The following FAT3 variants were observed in gnomAD, a reference collection of about 807,000 sequenced individuals.
FAT3 encodes FAT atypical cadherin 3.
Under a neutral mutation model 310.2 loss-of-function variants are expected in FAT3, and 95 were observed. That is an observed-to-expected ratio of 0.31 (90% CI 0.26 to 0.36). The LOEUF (loss-of-function observed/expected upper bound fraction) is 0.36, where lower values mean the gene tolerates loss of function less well. Among genes scored for constraint, FAT3 ranks in the 10% least tolerant of loss-of-function variants. The probability of loss-of-function intolerance (pLI) is 1.00; values close to 1 mark genes in which losing one functional copy is unlikely to be tolerated. For missense variants in FAT3, 5,408 were observed against 5,715.6 expected (o/e 0.95, Z 1.74); for synonymous variants, 2,314 against 2,192.9 (o/e 1.06, Z -1.54).
rs751134911 is a variant in FAT3 at position 92,801,315 on chromosome 11, G to T, written c.8302G>T (p.Asp2768Tyr). Residue 2768 changes from aspartate to tyrosine, a missense_variant, in exon 10 of 28, where the codon GAC becomes TAC. By Grantham distance (160) the Asp-to-Tyr change is radical. Transcript: ENST00000525166. Reference sequence around the variant, plus strand: ...ACAGGAAACAGGCACTATTAAGCTTGACAAACGCCTTGACCGTGAAACCAG... The same window carrying T: ...ACAGGAAACAGGCACTATTAAGCTTTACAAACGCCTTGACCGTGAAACCAG... Reference protein sequence around the residue: ...IEQETGTIKLDKRLDRETSPA... With the variant: ...IEQETGTIKLYKRLDRETSPA... 1 of 1,613,922 alleles carries T rather than the reference G, an allele frequency of 6.2e-7. No individual in the cohort carries two copies. Among genetic ancestry groups the T allele is most frequent in the East Asian group, 2.2e-5 (1 of 44,842 alleles).
At chr11:92,703,371 T>A (rs1278880345) in intron 4 of FAT3, among the ~76,000 whole-genome samples, 1 of 152,226 alleles carries the variant, frequency 6.6e-6, no homozygotes, top group Admixed American at 6.5e-5. Context: ...CACAGTTTCA[T>A]AATTTAACTT....
intron 3 of FAT3, among the ~76,000 whole-genome samples, chr11:92,586,408 C>A (rs1445611443): frequency 2.0e-5 from 3 of 151,854 alleles, no homozygotes; most frequent in Non-Finnish European, 4.4e-5. Flanking sequence ...AAAACTAAAG[C>A]CTTGTGACCA....
chr11:92,559,984 G>A (rs1373892967), intron 3 of FAT3, among the ~76,000 whole-genome samples: 2 of 152,166 alleles, frequency 1.3e-5, no homozygotes, highest in Non-Finnish European at 2.9e-5. Context: ...GAACAGAATT[G>A]TTGGAGCATA....
In FAT3 at chr11:92,354,494, A is replaced by G. The variant is rs371441182; in HGVS notation, c.2382A>G (p.Thr794=). The change falls in exon 2 of 28, where the codon ACA becomes ACG. Residue 794 remains threonine, a synonymous_variant. Transcript: ENST00000525166. The part of the protein sequence containing the change: ...KVLMPMDREH[T]DLYLLNITIY... Reference sequence around the variant, plus strand: ...TTATGCCCATGGATCGAGAACACACAGACCTCTATCTCCTTAATATCACCA... The same window carrying G: ...TTATGCCCATGGATCGAGAACACACGGACCTCTATCTCCTTAATATCACCA... 6.2e-7 allele frequency: 1 copy of G among 1,613,924 alleles called. No homozygotes were observed. Among genetic ancestry groups the G allele is most frequent in the Non-Finnish European group, 8.5e-7 (1 of 1,179,878 alleles).
chr11:92,723,711 G>T (rs1490291211), intron 4 of FAT3, among the ~76,000 whole-genome samples: 3 of 152,132 alleles, frequency 2.0e-5, no homozygotes, highest in Admixed American at 6.6e-5. Flanking sequence ...GAAGGTGAAA[G>T]GCACATCTTA....
intron 22 of FAT3, among the ~76,000 whole-genome samples, chr11:92,878,656 A>AAC (rs1565672561): frequency 6.9e-5 from 8 of 116,772 alleles, no homozygotes; most frequent in African/African-American, 1.5e-4. Flanking sequence ...AAAAAAAAAA[A>AAC]AAAAAAAAAA....
At chr11:92,440,263 G>T (rs1038152513) in intron 2 of FAT3, among the ~76,000 whole-genome samples, 1 of 152,310 alleles carries the variant, frequency 6.6e-6, no homozygotes, top group Non-Finnish European at 1.5e-5. Context: ...GAGTAAAGGA[G>T]CAAGGCAGGG....
rs768317391 is a variant in FAT3, at chr11:92,354,103, C to G, written c.1991C>G (p.Pro664Arg). 1 of 1,613,622 alleles carries G rather than the reference C, an allele frequency of 6.2e-7. No homozygotes were observed. The highest frequency in any genetic ancestry group is 8.5e-7 in the Non-Finnish European group (1 of 1,179,828). The change falls in exon 2 of 28, where the codon CCC becomes CGC. Residue 664 changes from proline (P) to arginine (R), a missense_variant. Pro to Arg is a moderately radical substitution (Grantham distance 103, BLOSUM62 -2). Transcript: ENST00000525166. ...ACTGATGGAGAGAATCTTGCAGACCCCATGTCTATTAACATTTCAGTCCTA... is the reference window on the plus strand; with the variant it reads ...ACTGATGGAGAGAATCTTGCAGACCGCATGTCTATTAACATTTCAGTCCTA... ...TATDGENLAD[P>R]MSINISVLHG...
intron 4 of FAT3, among the ~76,000 whole-genome samples, chr11:92,715,263 C>T (rs1284742398): frequency 6.7e-6 from 1 of 149,300 alleles, no homozygotes; most frequent in African/African-American, 2.5e-5. Context: ...AAAAAAATAG[C>T]TGGGTGTGGT....
intron 2 of FAT3, among the ~76,000 whole-genome samples, chr11:92,483,189 T>G (rs1168888768): frequency 2.6e-5 from 4 of 152,194 alleles, no homozygotes; most frequent in Non-Finnish European, 4.4e-5. Context: ...AACACAGTAT[T>G]TGCACAGGCC....
chr11:92,806,330 T>C (rs1243482386), intron 11 of FAT3, 32 bp from the exon 12 acceptor site: 1 of 1,568,662 alleles, frequency 6.4e-7, no homozygotes, highest in Non-Finnish European at 8.7e-7. Context: ...CAAATACTAA[T>C]GATTTTATTA....
At chr11:92,788,325 G>A (rs572966040) in intron 7 of FAT3, among the ~76,000 whole-genome samples, 2 of 152,242 alleles carry the variant, frequency 1.3e-5, no homozygotes, top group Admixed American at 1.3e-4. Context: ...TTAAATTCAT[G>A]AGTTCATAAT....
chr11:92,562,593 A>C (rs1340959191), intron 3 of FAT3, among the ~76,000 whole-genome samples: 1 of 152,176 alleles, frequency 6.6e-6, no homozygotes, highest in African/African-American at 2.4e-5. Context: ...AAGAAGTCCC[A>C]TGATATGCTA....
chr11:92,701,524 G>A (rs1944096373), intron 4 of FAT3, among the ~76,000 whole-genome samples: 1 of 152,222 alleles, frequency 6.6e-6, no homozygotes, highest in Admixed American at 6.5e-5. Context: ...TGAATTCTAA[G>A]TGTTAACTCT....
Position 92,799,472 on chromosome 11 carries a change from G to T in FAT3, c.6459G>T (p.Glu2153Asp). 6.2e-7 allele frequency: 1 copy of T among 1,613,664 alleles called. No individual in the cohort carries two copies. The highest frequency in any genetic ancestry group is 8.5e-7 in the Non-Finnish European group (1 of 1,179,786). Residue 2153 changes from glutamate (E) to aspartate (D), a missense_variant, in exon 10 of 28, where the codon GAG (glutamate) becomes GAT (aspartate). Around this residue, in one of 5 missense-constraint regions of FAT3, gnomAD observed 4,588 missense variants for 4,809.8 expected, o/e 0.95. Coordinates refer to ENST00000525166, the MANE Select transcript of FAT3 (RefSeq NM_001367949.2). ...EAFNSDLSNI[E>D]YGVTILAKDG... ...TCAACTCTGACTTGTCCAACATTGAGTATGGAGTCACCATCCTAGCCAAGG... is the reference window on the plus strand; with the variant it reads ...TCAACTCTGACTTGTCCAACATTGATTATGGAGTCACCATCCTAGCCAAGG...
At chr11:92,461,556 C>G (rs1018214522) in intron 2 of FAT3, among the ~76,000 whole-genome samples, 1 of 152,100 alleles carries the variant, frequency 6.6e-6, no homozygotes, top group African/African-American at 2.4e-5. Flanking sequence ...AACAGACACA[C>G]AGATGAGCTG....
intron 3 of FAT3, among the ~76,000 whole-genome samples, chr11:92,618,584 T>C (rs146105909): frequency 7.2e-4 from 109 of 152,360 alleles, no homozygotes; most frequent in African/African-American, 2.3e-3. Flanking sequence ...AGACTGGAGC[T>C]GTTCCTATTC....
chr11:92,734,436 A>G (rs1186282352), intron 4 of FAT3, among the ~76,000 whole-genome samples: 1 of 152,222 alleles, frequency 6.6e-6, no homozygotes, highest in Non-Finnish European at 1.5e-5. Context: ...GAAGAAGCAG[A>G]GGCTGACCTT....
intron 2 of FAT3, among the ~76,000 whole-genome samples, chr11:92,390,182 TA>T (rs1949717284): frequency 6.6e-6 from 1 of 152,154 alleles, no homozygotes; most frequent in Non-Finnish European, 1.5e-5. Context: ...GTTTATGCCA[TA>T]ATAGATTAGG....
Sources: gnomAD v4.1 joint callset for allele counts (sites outside exome capture counted in the v4.1 genomes callset) on GRCh38, gnomAD v4.1.1 for gene constraint, gnomAD v4.1.1 regional missense constraint, MANE v1.5 for transcripts, NCBI Gene and HGNC (gene_info 2026-07-23, HGNC 2026-07-21) for gene names.